ZMYM2: variants seen among roughly 807,000 people sequenced by gnomAD.
The protein encoded by ZMYM2 is zinc finger MYM-type containing 2, also known as zinc finger MYM-type protein 2.
Under a neutral mutation model 162.8 loss-of-function variants are expected in ZMYM2, and 56 were observed. The ratio of observed to expected loss-of-function variants is 0.34; its 90% confidence interval spans 0.28 to 0.43. The LOEUF (loss-of-function observed/expected upper bound fraction) is 0.43, where lower values mean the gene tolerates loss of function less well. Among genes scored for constraint, ZMYM2 ranks in the 20% least tolerant of loss-of-function variants. The pLI is 1.00. For synonymous variants in ZMYM2, 510 were observed against 541.6 expected, an observed-to-expected ratio of 0.94 and a Z score of 0.81; for missense variants, 1,275 against 1,621.8, an observed-to-expected ratio of 0.79 and a Z score of 3.67.
chr13:19,886,597 A>G, the ZMYM2 span, among the ~76,000 whole-genome samples: 1 of 151,830 alleles, frequency 6.6e-6, no homozygotes, highest in Non-Finnish European at 1.5e-5. Context: ...TTATTGAAGA[A>G]GCTGGACAAT....
Position 20,008,600 on chromosome 13 carries a change from A to C in ZMYM2, c.1512+2014A>C, listed in dbSNP as rs1019172961. On this transcript the variant is annotated intron_variant, in intron 6 of 24. Coordinates refer to ENST00000610343, the MANE Select transcript of ZMYM2 (RefSeq NM_197968.4). ...GCCATATTAGTAGATTTCCTAATCTATTGAGCCATCCTTGTATTCCTAGAA... is the reference window on the plus strand; with the variant it reads ...GCCATATTAGTAGATTTCCTAATCTCTTGAGCCATCCTTGTATTCCTAGAA... Among the ~76,000 whole-genome samples, 25 of 152,386 alleles carry C rather than the reference A, an allele frequency of 1.6e-4. 1 individual carries two copies. Among genetic ancestry groups the C allele is most frequent in the Admixed American group, 1.3e-3 (20 of 15,312 alleles).
At chr13:20,051,745 C>A in intron 13 of ZMYM2, 147 bp downstream of exon 13, 1 of 746,432 alleles carries the variant, frequency 1.3e-6, no homozygotes. Flanking sequence ...TCGAAGTACC[C>A]TTGTATGTTG....
At chr13:19,999,317 A>G (rs1233712598) in intron 3 of ZMYM2, among the ~76,000 whole-genome samples, 1 of 152,124 alleles carries the variant, frequency 6.6e-6, no homozygotes, top group Non-Finnish European at 1.5e-5. Flanking sequence ...TTCCAACATC[A>G]TGTGGTCACT....
At chr13:20,044,576 CT>C (rs767877883) in intron 12 of ZMYM2, among the ~76,000 whole-genome samples, 7 of 152,184 alleles carry the variant, frequency 4.6e-5, no homozygotes, top group Non-Finnish European at 7.3e-5. Flanking sequence ...CCAACATCTA[CT>C]TTTATAAAGT....
At chr13:19,919,286 C>A in the ZMYM2 span, among the ~76,000 whole-genome samples, 1 of 152,076 alleles carries the variant, frequency 6.6e-6, no homozygotes, top group African/African-American at 2.4e-5. Context: ...TTGGCTTTTA[C>A]AAATAAAGAT....
chr13:19,880,775 G>A, the ZMYM2 span, among the ~76,000 whole-genome samples: 1 of 152,196 alleles, frequency 6.6e-6, no homozygotes, highest in East Asian at 1.9e-4. Context: ...CACTGTTAGT[G>A]TGTAGAAATG....
At chr13:19,967,784 G>A (rs1322206064) in intron 2 of ZMYM2, among the ~76,000 whole-genome samples, 1 of 152,184 alleles carries the variant, frequency 6.6e-6, no homozygotes, top group Non-Finnish European at 1.5e-5. Flanking sequence ...CTGGCCAATA[G>A]TAGGTGCTCA....
chr13:20,060,152 A>G (rs1410114187), intron 16 of ZMYM2, among the ~76,000 whole-genome samples: 1 of 152,216 alleles, frequency 6.6e-6, no homozygotes, highest in Non-Finnish European at 1.5e-5. Flanking sequence ...TGGTCCTGGA[A>G]CCAATCCCCT....
chr13:20,045,402 C>A (rs1326110835), intron 12 of ZMYM2, among the ~76,000 whole-genome samples: 1 of 152,128 alleles, frequency 6.6e-6, no homozygotes, highest in East Asian at 1.9e-4. Flanking sequence ...TTTACTGTTG[C>A]TTCTATATGA....
At chr13:19,968,256 T>C (rs1376199415) in intron 2 of ZMYM2, among the ~76,000 whole-genome samples, 1 of 152,278 alleles carries the variant, frequency 6.6e-6, no homozygotes, top group Middle Eastern at 3.4e-3. Flanking sequence ...ACTTTCCTTT[T>C]TTTGAGCCAG....
At chr13:19,907,534 C>A in the ZMYM2 span, among the ~76,000 whole-genome samples, 40 of 152,034 alleles carry the variant, frequency 2.6e-4, no homozygotes, top group South Asian at 6.4e-3. Context: ...CCAAGATAGG[C>A]AGATCACTTG....
intron 10 of ZMYM2, among the ~76,000 whole-genome samples, chr13:20,032,019 C>A (rs1376133731): frequency 6.6e-6 from 1 of 151,896 alleles, no homozygotes; most frequent in African/African-American, 2.4e-5. Flanking sequence ...TACGGGTGGG[C>A]ACCACCATGC....
At chr13:19,952,725 T>C in the ZMYM2 span, among the ~76,000 whole-genome samples, 1 of 152,044 alleles carries the variant, frequency 6.6e-6, no homozygotes, top group Admixed American at 6.5e-5. Context: ...GTTGGAGGCA[T>C]TGGGATCCCA....
chr13:20,069,520 GT>G (rs1392078137), intron 21 of ZMYM2, among the ~76,000 whole-genome samples: 38 of 144,816 alleles, frequency 2.6e-4, no homozygotes, highest in African/African-American at 7.3e-4. Context: ...GCTGAGAGTT[GT>G]TTTTTTTTTA....
At chr13:19,973,091 C>T (rs1022625750) in intron 2 of ZMYM2, among the ~76,000 whole-genome samples, 7 of 151,774 alleles carry the variant, frequency 4.6e-5, no homozygotes, top group African/African-American at 1.7e-4. Flanking sequence ...TGCCCGCCAC[C>T]AGGCTTGGCT....
chr13:20,073,530 C>G (rs1957247034), intron 21 of ZMYM2, among the ~76,000 whole-genome samples: 1 of 152,094 alleles, frequency 6.6e-6, no homozygotes, highest in Non-Finnish European at 1.5e-5. Flanking sequence ...AATTTGCTCT[C>G]TTTTTATCCA....
intron 6 of ZMYM2, among the ~76,000 whole-genome samples, chr13:20,015,798 A>G (rs146022272): frequency 6.6e-5 from 10 of 151,600 alleles, no homozygotes; most frequent in Middle Eastern, 3.4e-3. Flanking sequence ...GGCAACCCCA[A>G]CTCTCTTAGT....
At chr13:19,976,438 T>C (rs1326526166) in intron 2 of ZMYM2, among the ~76,000 whole-genome samples, 1 of 152,156 alleles carries the variant, frequency 6.6e-6, no homozygotes, top group Non-Finnish European at 1.5e-5. Flanking sequence ...ACATAAAATT[T>C]ACTATTTTTA....
chr13:19,985,394 G>A (rs747674944), intron 2 of ZMYM2, among the ~76,000 whole-genome samples: 3 of 152,154 alleles, frequency 2.0e-5, no homozygotes, highest in Non-Finnish European at 4.4e-5. Flanking sequence ...AAAGTACTGG[G>A]ATCACAGGTG....
Sources: allele counts gnomAD v4.1 joint callset (sites outside exome capture counted in the v4.1 genomes callset), GRCh38; gene constraint gnomAD v4.1.1; transcripts MANE v1.5; gene names NCBI Gene and HGNC (gene_info 2026-07-23, HGNC 2026-07-21).